TRPC6: variants seen among roughly 807,000 people sequenced by gnomAD.
The protein encoded by TRPC6 is short transient receptor potential channel 6.
A neutral mutation model predicts 90.7 loss-of-function variants in TRPC6; 55 were observed. The observed-to-expected ratio is 0.61, with a 90% CI of 0.49 to 0.76. The LOEUF is 0.76. TRPC6 is among the 30% of genes least tolerant of loss of function. TRPC6 has a pLI of 0.00. For missense variants in TRPC6, 989 were observed against 1,122.7 expected, an observed-to-expected ratio of 0.88 and a Z score of 1.70; for synonymous variants, 393 against 393.0, an observed-to-expected ratio of 1.00 and a Z score of 0.00.
Position 101,504,050 on chromosome 11 carries a change from G to T in TRPC6, c.919C>A (p.Leu307Met). 6.2e-7 allele frequency: 1 copy of T among 1,614,088 alleles called. No individual in the cohort carries two copies. The highest frequency in any genetic ancestry group is 1.1e-5 in the South Asian group (1 of 91,084). Reference sequence around the variant, plus strand: ...TTGAACTCTTTCTCAATATTGGCCAGAACTGCCAGTTCATTGCTAAGTTCT... The same window carrying T: ...TTGAACTCTTTCTCAATATTGGCCATAACTGCCAGTTCATTGCTAAGTTCT... ...ALELSNELAVLANIEKEFKND... is the reference protein window; with the variant it reads ...ALELSNELAVMANIEKEFKND... The change falls in exon 2 of 13, where the codon CTG becomes ATG. Residue 307 changes from leucine (L) to methionine (M), a missense_variant. Physicochemically the swap from Leu to Met is conservative, Grantham distance 15. Coordinates refer to ENST00000344327, the MANE Select transcript of TRPC6 (RefSeq NM_004621.6).
chr11:101,482,345 T>C (rs908812218), intron 5 of TRPC6, among the ~76,000 whole-genome samples: 1 of 152,204 alleles, frequency 6.6e-6, no homozygotes, highest in African/African-American at 2.4e-5. Flanking sequence ...ACATGTATGA[T>C]TGATTCTAAA....
intron 1 of TRPC6, among the ~76,000 whole-genome samples, chr11:101,533,570 TCAGAG>T (rs1860962772): frequency 6.6e-6 from 1 of 152,038 alleles, no homozygotes; most frequent in South Asian, 2.1e-4. Context: ...GCAAACCATA[TCAGAG>T]TTGTAGGTCT....
intron 1 of TRPC6, among the ~76,000 whole-genome samples, chr11:101,530,333 A>G (rs551888777): frequency 1.3e-5 from 2 of 152,122 alleles, no homozygotes; most frequent in South Asian, 4.2e-4. Flanking sequence ...CCCACAGCAG[A>G]TCCTACGACA....
At position 101,504,207 on chromosome 11, in the gene TRPC6, C is replaced by T; in HGVS notation, c.762G>A (p.Lys254=). 1 of 1,614,122 alleles carries T rather than the reference C, an allele frequency of 6.2e-7. No homozygotes were observed. Among genetic ancestry groups the T allele is most frequent in the Non-Finnish European group, 8.5e-7 (1 of 1,180,006 alleles). Residue 254 remains lysine, a synonymous_variant, in exon 2 of 13, where the codon AAG becomes AAA. Transcript: ENST00000344327. The stretch of plus-strand genomic sequence containing the variant: ...TCTGTTTCTGGTTGCAGTCATTGCA[C>T]TTGCAGAAATAATCATGAGGCCGTT... ...RIERPHDYFC[K]CNDCNQKQKH...
chr11:101,472,950 C>G (rs1859328366), intron 7 of TRPC6, among the ~76,000 whole-genome samples: 1 of 145,662 alleles, frequency 6.9e-6, no homozygotes, highest in Non-Finnish European at 1.5e-5. Context: ...TTTAAATAAT[C>G]TATTCCAAAC....
At chr11:101,459,956 T>A (rs1858967889) in intron 10 of TRPC6, among the ~76,000 whole-genome samples, 1 of 152,186 alleles carries the variant, frequency 6.6e-6, no homozygotes, top group African/African-American at 2.4e-5. Flanking sequence ...ACTTGATTAT[T>A]TCTGTTTTAT....
chr11:101,566,448 C>T (rs1861833108), intron 1 of TRPC6, among the ~76,000 whole-genome samples: 1 of 151,940 alleles, frequency 6.6e-6, no homozygotes, highest in Admixed American at 6.5e-5. Flanking sequence ...AAGATGTATC[C>T]CCATAGGTAT....
intron 1 of TRPC6, among the ~76,000 whole-genome samples, chr11:101,528,586 T>C (rs1860837145): frequency 6.6e-6 from 1 of 152,238 alleles, no homozygotes; most frequent in Non-Finnish European, 1.5e-5. Flanking sequence ...TAAATGTGTA[T>C]ATTACTATTG....
chr11:101,453,807 C>T (rs988086786), intron 11 of TRPC6, 82 bp from the exon 12 acceptor site: 4 of 1,357,158 alleles, frequency 2.9e-6, no homozygotes, highest in African/African-American at 1.4e-5. Flanking sequence ...TCAGAGTCTT[C>T]CTCCCTGTAG....
At chr11:101,510,538 A>T (rs763401942) in intron 1 of TRPC6, among the ~76,000 whole-genome samples, 5 of 152,202 alleles carry the variant, frequency 3.3e-5, no homozygotes, top group Non-Finnish European at 5.9e-5. Context: ...GCATGGTTAA[A>T]AGATTAGTAA....
intron 3 of TRPC6, among the ~76,000 whole-genome samples, chr11:101,489,428 T>C (rs1172508028): frequency 6.6e-6 from 1 of 152,154 alleles, no homozygotes; most frequent in Non-Finnish European, 1.5e-5. Flanking sequence ...AGTTTTTTCA[T>C]CTAGAAAGAG....
At chr11:101,483,882 C>A (rs1041958255) in intron 4 of TRPC6, among the ~76,000 whole-genome samples, 5 of 152,072 alleles carry the variant, frequency 3.3e-5, no homozygotes, top group African/African-American at 9.7e-5. Context: ...ACAAAAAAAG[C>A]TAGTGTGCCT....
chr11:101,504,474 C>A lies in TRPC6; in HGVS notation c.495G>T (p.Leu165Phe). The change falls in exon 2 of 13, where the codon TTG becomes TTT. Residue 165 changes from leucine to phenylalanine, a missense_variant. Around this residue, in one of 4 missense-constraint regions of TRPC6, gnomAD observed 486 missense variants for 591.9 expected, o/e 0.82. Coordinates refer to ENST00000344327, the MANE Select transcript of TRPC6 (RefSeq NM_004621.6). ...CATAACCTTTACTAATAGCTAGAAG[C>A]AAAGCATCCCCAACTCGAGAGAGGT... is the stretch of plus-strand genomic sequence containing the variant. Reference protein sequence around the residue: ...KENLSRVGDALLLAISKGYVR... With the variant: ...KENLSRVGDAFLLAISKGYVR... 6.2e-7 allele frequency: 1 copy of A among 1,614,096 alleles called. No individual in the cohort carries two copies. Among genetic ancestry groups the A allele is most frequent in the Admixed American group, 1.7e-5 (1 of 59,988 alleles).
chr11:101,529,244 G>C (rs1449258977), intron 1 of TRPC6, among the ~76,000 whole-genome samples: 2 of 152,166 alleles, frequency 1.3e-5, no homozygotes, highest in East Asian at 3.9e-4. Flanking sequence ...CTGAGGATGG[G>C]AGTAGGATAA....
At chr11:101,464,814 G>A (rs761436301) in intron 10 of TRPC6, among the ~76,000 whole-genome samples, 7 of 152,114 alleles carry the variant, frequency 4.6e-5, no homozygotes, top group South Asian at 2.1e-4. Context: ...ATTGTTATAC[G>A]TGAATTTGAT....
intron 1 of TRPC6, among the ~76,000 whole-genome samples, chr11:101,548,859 TATC>T (rs1277952838): frequency 6.6e-6 from 1 of 152,018 alleles, no homozygotes; most frequent in African/African-American, 2.4e-5. Flanking sequence ...AGTATGAAGA[TATC>T]ATATAATTTT....
rs72984209 is a variant in TRPC6, at chr11:101,455,057, G to C, written c.2529C>G (p.Phe843Leu). ...KQPSIRSSEDFHLNSFNNPPR... is the reference protein window; with the variant it reads ...KQPSIRSSEDLHLNSFNNPPR... ...GAGGATTATTGAAACTATTTAGATG[G>C]AAATCTTCTGAGCTCCTTATACTTG... Residue 843 changes from phenylalanine (F) to leucine (L), a missense_variant, in exon 11 of 13, where the codon TTC becomes TTG. This residue lies in a region of TRPC6 where 191 missense variants were observed against 196.7 expected (regional missense o/e 0.97). Coordinates refer to ENST00000344327, the MANE Select transcript of TRPC6 (RefSeq NM_004621.6). The C allele has an allele frequency of 2.5e-6, 4 of 1,612,080 alleles. No homozygotes were observed. The highest frequency in any genetic ancestry group is 3.4e-6 in the Non-Finnish European group (4 of 1,178,770).
At chr11:101,495,454 G>A (rs1336585592) in intron 2 of TRPC6, among the ~76,000 whole-genome samples, 3 of 151,962 alleles carry the variant, frequency 2.0e-5, no homozygotes, top group East Asian at 3.9e-4. Context: ...TTAGATAAAT[G>A]ATATAGTATC....
intron 1 of TRPC6, among the ~76,000 whole-genome samples, chr11:101,539,035 C>A (rs1264610829): frequency 2.6e-5 from 4 of 152,196 alleles, no homozygotes; most frequent in Non-Finnish European, 5.9e-5. Flanking sequence ...TGCTAACCTG[C>A]AGAACCGTGA....
Sources: gnomAD v4.1 joint callset for allele counts (sites outside exome capture counted in the v4.1 genomes callset) on GRCh38, gnomAD v4.1.1 for gene constraint, gnomAD v4.1.1 regional missense constraint, MANE v1.5 for transcripts, NCBI Gene and HGNC (gene_info 2026-07-23, HGNC 2026-07-21) for gene names.